The following SYT7 variants were observed in gnomAD, a reference collection of about 807,000 sequenced individuals.
The protein encoded by SYT7 is synaptotagmin 7, also known as synaptotagmin-7.
In SYT7, 29 loss-of-function variants were observed where a neutral mutation model predicts 75.1. The observed-to-expected ratio is 0.39, with a 90% CI of 0.29 to 0.53. The LOEUF (loss-of-function observed/expected upper bound fraction) is 0.53, where lower values mean the gene tolerates loss of function less well. Among genes scored for constraint, SYT7 ranks in the 20% least tolerant of loss-of-function variants. The pLI is 0.77. For missense variants in SYT7, 693 were observed against 953.2 expected (o/e 0.73, Z 3.59); for synonymous variants, 376 against 401.7 (o/e 0.94, Z 0.76).
chr11:61,588,071 C>T, the SYT7 span, among the ~76,000 whole-genome samples: 166 of 152,230 alleles, frequency 1.1e-3, 1 homozygote, highest in African/African-American at 3.8e-3. Flanking sequence ...AGAGCTGTGA[C>T]TGTCCCGGTT....
chr11:61,531,989 G>T (rs960117107), intron 8 of SYT7, among the ~76,000 whole-genome samples: 1 of 151,552 alleles, frequency 6.6e-6, no homozygotes, highest in African/African-American at 2.4e-5. Flanking sequence ...GCTGATTCCT[G>T]TGCACGTAGC....
At chr11:61,522,759 T>C (rs1373056737) in intron 12 of SYT7, among the ~76,000 whole-genome samples, 1 of 152,140 alleles carries the variant, frequency 6.6e-6, no homozygotes, top group Non-Finnish European at 1.5e-5. Context: ...TGCTCCAACG[T>C]CATCATCCTG....
Position 61,524,227 on chromosome 11 carries a change from A to G in SYT7, c.1641+136T>C. 3.7e-6 allele frequency: 4 copies of G among 1,073,736 alleles called. No homozygotes were observed. Among genetic ancestry groups the G allele is most frequent in the Non-Finnish European group, 5.3e-6 (4 of 756,860 alleles). The allele number at this position is 1,073,736 out of a possible 1,614,324, so 66.5% of individuals were successfully genotyped here. ...ATGTTCTGACTGCTAGCGAGGGCTG[A>G]GCTCCATCGGGTCCACCCATCTGCA... On this transcript the variant is annotated intron_variant, in intron 10 of 12. Coordinates refer to ENST00000539008, the MANE Select transcript of SYT7 (RefSeq NM_001365809.2). The surrounding 1 kb of genome is among the most constrained non-coding windows in gnomAD (Gnocchi z 4.1).
the SYT7 span, among the ~76,000 whole-genome samples, chr11:61,586,912 T>G: frequency 3.9e-5 from 6 of 152,148 alleles, no homozygotes; most frequent in Non-Finnish European, 8.8e-5. Flanking sequence ...GACCAGCATT[T>G]CAATCCCTCT....
Position 61,523,995 on chromosome 11 carries a change from T to G in SYT7, c.1642-54A>C. The G allele has an allele frequency of 6.5e-7, 1 of 1,535,636 alleles. No individual in the cohort carries two copies. Among genetic ancestry groups the G allele is most frequent in the African/African-American group, 1.4e-5 (1 of 73,304 alleles). On this transcript the variant is annotated intron_variant, in intron 10 of 12. Transcript: ENST00000539008. This position sits in a 1 kb window ranked among gnomAD's most constrained non-coding sequence, Gnocchi z 5.0. The stretch of plus-strand genomic sequence containing the variant: ...GAACTAGGCTAGCAGAGCTCTCTGA[T>G]TGGCCTAGCTGCCCCCAGGTCCCCT...
At chr11:61,578,392 G>A (rs941857639) in intron 1 of SYT7, among the ~76,000 whole-genome samples, 7 of 151,948 alleles carry the variant, frequency 4.6e-5, no homozygotes, top group African/African-American at 9.7e-5. Context: ...GGATTGGGCC[G>A]CAGGTGTTCC....
Position 61,523,023 on chromosome 11 carries a change from C to A in SYT7, c.1956+52G>T. 6.3e-7 allele frequency: 1 copy of A among 1,595,292 alleles called. No individual in the cohort carries two copies. Among genetic ancestry groups the A allele is most frequent in the Non-Finnish European group, 8.6e-7 (1 of 1,164,130 alleles). On this transcript the variant is annotated intron_variant, in intron 12 of 12. Coordinates refer to ENST00000539008, the MANE Select transcript of SYT7 (RefSeq NM_001365809.2). This position sits in a 1 kb window ranked among gnomAD's most constrained non-coding sequence, Gnocchi z 5.0. ...TACCCCCGCTGCTTCTTTTAAGGAA[C>A]GGAGCCTCACTGGTGCCAGCAGGTG... is the stretch of plus-strand genomic sequence containing the variant.
chr11:61,559,155 T>C (rs1295464933), intron 1 of SYT7, among the ~76,000 whole-genome samples: 1 of 152,216 alleles, frequency 6.6e-6, no homozygotes, highest in East Asian at 1.9e-4. Context: ...AGTATGGTTG[T>C]TGGTGTTTGT....
At chr11:61,538,120 G>A (rs1006356139) in intron 7 of SYT7, 24 bp downstream of exon 7, 18 of 1,534,532 alleles carry the variant, frequency 1.2e-5, no homozygotes, top group Admixed American at 3.9e-5. Flanking sequence ...CGCCGCCGCC[G>A]CAGGCCCTCG....
chr11:61,555,632 C>T (rs1161958933), intron 2 of SYT7, among the ~76,000 whole-genome samples: 1 of 152,156 alleles, frequency 6.6e-6, no homozygotes, highest in African/African-American at 2.4e-5. Flanking sequence ...GTGGGGCGGG[C>T]GGCGCCTCCG....
chr11:61,538,378 AG>A, intron 6 of SYT7, 112 bp from the exon 7 acceptor site: 5 of 913,796 alleles, frequency 5.5e-6, no homozygotes, highest in Non-Finnish European at 6.3e-6. Context: ...AGAGAGAGAG[AG>A]AGAGAGAGAA....
At chr11:61,586,511 G>A in the SYT7 span, among the ~76,000 whole-genome samples, 1 of 152,204 alleles carries the variant, frequency 6.6e-6, no homozygotes, top group South Asian at 2.1e-4. Context: ...TTACCAGTCT[G>A]TACCATAGGA....
chr11:61,532,483 G>A (rs2062742035), intron 8 of SYT7, among the ~76,000 whole-genome samples: 1 of 152,188 alleles, frequency 6.6e-6, no homozygotes, highest in African/African-American at 2.4e-5. Flanking sequence ...GCCGGGACCA[G>A]TGGATTCCTG....
At chr11:61,538,386 AGAAAG>A (rs2062942257) in intron 6 of SYT7, 120 bp from the exon 7 acceptor site, 3 of 848,730 alleles carry the variant, frequency 3.5e-6, no homozygotes, top group Non-Finnish European at 5.2e-6. Flanking sequence ...AGAGAGAGAG[AGAAAG>A]AGAGAGAGAG....
chr11:61,580,929 C>G lies in SYT7; in HGVS notation c.-109G>C, dbSNP rs1383078857. 1 of 1,034,906 alleles carries G rather than the reference C, an allele frequency of 9.7e-7. No homozygotes were observed. The highest frequency in any genetic ancestry group is 1.2e-6 in the Non-Finnish European group (1 of 863,290). The allele number at this position is 1,034,906 out of a possible 1,614,324, so 64.1% of individuals were successfully genotyped here. On this transcript the variant is annotated 5_prime_UTR_variant, in exon 1 of 13. Coordinates refer to ENST00000539008, the MANE Select transcript of SYT7 (RefSeq NM_001365809.2). The surrounding 1 kb of genome is among the most constrained non-coding windows in gnomAD (Gnocchi z 6.1). Reference sequence around the variant, plus strand: ...GCCGGGCGACCCCCGGGGGCGGGTCCGAGGGCGGGGGCCGAGCGGGCTGCA... The same window carrying G: ...GCCGGGCGACCCCCGGGGGCGGGTCGGAGGGCGGGGGCCGAGCGGGCTGCA...
intron 1 of SYT7, among the ~76,000 whole-genome samples, chr11:61,564,237 T>C (rs892789461): frequency 1.3e-5 from 2 of 152,150 alleles, no homozygotes; most frequent in African/African-American, 4.8e-5. Context: ...AATTCATGTG[T>C]GCATGTGTGC....
At chr11:61,533,715 G>A in intron 7 of SYT7, 4 of 974,156 alleles carry the variant, frequency 4.1e-6, no homozygotes, top group Non-Finnish European at 4.9e-6. Flanking sequence ...TATTTGTGCT[G>A]TCCAGTGGAG....
At chr11:61,538,072 G>A (rs977579103) in intron 7 of SYT7, 72 bp downstream of exon 7, 102 of 1,521,364 alleles carry the variant, frequency 6.7e-5, no homozygotes, top group African/African-American at 5.9e-4. Flanking sequence ...AGCCGGGGCC[G>A]GTCGAGGCAG....
chr11:61,580,516 C>T lies in SYT7; in HGVS notation c.31+274G>A, dbSNP rs1055255068. On this transcript the variant is annotated intron_variant, in intron 1 of 12. Transcript: ENST00000539008. This position sits in a 1 kb window ranked among gnomAD's most constrained non-coding sequence, Gnocchi z 6.1. ...CTCCTCGCTCCGCCACACACGTTGT[C>T]CTTGGGCTGTTGAGGGGTGGGGGAG... Among the ~76,000 whole-genome samples the T allele has an allele frequency of 6.6e-6, 1 of 152,106 alleles. No homozygotes were observed. Among genetic ancestry groups the T allele is most frequent in the African/African-American group, 2.4e-5 (1 of 41,446 alleles).
Sources: allele counts gnomAD v4.1 joint callset (sites outside exome capture counted in the v4.1 genomes callset), GRCh38; gene constraint gnomAD v4.1.1; non-coding constraint Gnocchi (gnomAD v3.1); transcripts MANE v1.5; gene names NCBI Gene and HGNC (gene_info 2026-07-23, HGNC 2026-07-21).